Variants in TENM4 observed in about 807,000 individuals in gnomAD.
TENM4 encodes teneurin transmembrane protein 4.
In TENM4, 82 loss-of-function variants were observed where a neutral mutation model predicts 243.3. That is an observed-to-expected ratio of 0.34 (90% CI 0.28 to 0.40). TENM4 has a LOEUF of 0.40. Ranked by LOEUF, TENM4 falls within the 10% of genes least tolerant of loss-of-function variation. The pLI, the probability that TENM4 is intolerant of heterozygous loss-of-function variation, is 1.00. For missense variants in TENM4, 3,138 were observed against 3,673.3 expected, an observed-to-expected ratio of 0.85 and a Z score of 3.77; for synonymous variants, 1,412 against 1,456.3, an observed-to-expected ratio of 0.97 and a Z score of 0.69.
At chr11:79,040,525 G>A (rs1345471042) in intron 6 of TENM4, among the ~76,000 whole-genome samples, 2 of 152,148 alleles carry the variant, frequency 1.3e-5, no homozygotes, top group Non-Finnish European at 2.9e-5. Context: ...ACTATTCCAG[G>A]CACCCTGTGA....
chr11:79,339,529 C>T (rs1857207680), intron 1 of TENM4, among the ~76,000 whole-genome samples: 1 of 152,166 alleles, frequency 6.6e-6, no homozygotes, highest in African/African-American at 2.4e-5. Flanking sequence ...GTGCATATCC[C>T]TCTCTCCCTA....
At chr11:79,116,940 A>T (rs1453146300) in intron 4 of TENM4, among the ~76,000 whole-genome samples, 2 of 152,174 alleles carry the variant, frequency 1.3e-5, no homozygotes, top group Non-Finnish European at 2.9e-5. Flanking sequence ...CACAAGTTTT[A>T]CTTTTTATTT....
chr11:79,018,372 A>T (rs961861762), intron 6 of TENM4, among the ~76,000 whole-genome samples: 3 of 151,916 alleles, frequency 2.0e-5, no homozygotes, highest in Admixed American at 2.0e-4. Context: ...GGGTAATCTC[A>T]TTTCTCTGGG....
chr11:78,754,394 C>T (rs763876959), intron 19 of TENM4, among the ~76,000 whole-genome samples: 26 of 152,078 alleles, frequency 1.7e-4, no homozygotes, highest in Non-Finnish European at 3.1e-4. Context: ...TGGCTCATGG[C>T]GCTTAAGCAG....
chr11:79,207,848 A>G (rs1264645091), intron 3 of TENM4, among the ~76,000 whole-genome samples: 2 of 143,166 alleles, frequency 1.4e-5, no homozygotes, highest in African/African-American at 5.3e-5. Flanking sequence ...CCTGGATGAC[A>G]GAGCCAGACT....
intron 6 of TENM4, among the ~76,000 whole-genome samples, chr11:79,058,590 G>A (rs1442437104): frequency 6.6e-6 from 1 of 152,002 alleles, no homozygotes; most frequent in Non-Finnish European, 1.5e-5. Context: ...GTAGTAGGAT[G>A]GATCTGGATT....
chr11:79,098,797 C>G (rs1861150755), intron 4 of TENM4, among the ~76,000 whole-genome samples: 1 of 152,198 alleles, frequency 6.6e-6, no homozygotes, highest in Non-Finnish European at 1.5e-5. Context: ...GGAACATCAT[C>G]ATCATCATCC....
rs35346731 is a variant in TENM4 at position 79,041,069 on chromosome 11, C to CTTT, written c.493+23666_493+23668dup. 2.5e-3 allele frequency among the ~76,000 whole-genome samples: 366 copies of CTTT among 146,850 alleles called. 2 individuals are homozygous for CTTT. Among genetic ancestry groups the CTTT allele is most frequent in the African/African-American group, 8.7e-3 (348 of 39,908 alleles). On this transcript the variant is annotated intron_variant, in intron 6 of 33. Transcript: ENST00000278550. ...TGGACAAATCATTTGCCATTCTCCT[C>CTTT]TTTTTTTTTTTTGAGACAGAGTCTC...
intron 12 of TENM4, among the ~76,000 whole-genome samples, chr11:78,847,299 T>C (rs1399561900): frequency 6.6e-6 from 1 of 152,258 alleles, no homozygotes; most frequent in African/African-American, 2.4e-5. Flanking sequence ...CTACTTTTTC[T>C]TCTTTCCTGC....
At chr11:79,204,952 C>T (rs781174136) in intron 3 of TENM4, among the ~76,000 whole-genome samples, 22 of 152,194 alleles carry the variant, frequency 1.4e-4, no homozygotes, top group Admixed American at 4.6e-4. Flanking sequence ...ATATACCAAA[C>T]GATAGCATCT....
At chr11:78,862,167 C>T (rs1220682853) in intron 10 of TENM4, among the ~76,000 whole-genome samples, 4 of 152,116 alleles carry the variant, frequency 2.6e-5, no homozygotes, top group African/African-American at 7.2e-5. Context: ...GGCCTTGTAA[C>T]CTTGGGGTAA....
intron 3 of TENM4, among the ~76,000 whole-genome samples, chr11:79,166,042 C>A (rs1196962405): frequency 1.3e-5 from 2 of 152,104 alleles, no homozygotes; most frequent in Non-Finnish European, 2.9e-5. Flanking sequence ...TTATACTTAC[C>A]TTCATTCTGA....
intron 6 of TENM4, among the ~76,000 whole-genome samples, chr11:78,916,152 G>A (rs900768821): frequency 6.6e-6 from 1 of 152,226 alleles, no homozygotes; most frequent in Non-Finnish European, 1.5e-5. Context: ...TGAAACCAGG[G>A]TTTACCACTT....
intron 7 of TENM4, among the ~76,000 whole-genome samples, chr11:78,901,531 C>T (rs1207317438): frequency 6.6e-6 from 1 of 152,032 alleles, no homozygotes; most frequent in African/African-American, 2.4e-5. Context: ...TCTTCCTTTC[C>T]TTGAAAAACC....
At chr11:79,239,872 G>A (rs1000150219) in intron 2 of TENM4, among the ~76,000 whole-genome samples, 3 of 152,152 alleles carry the variant, frequency 2.0e-5, no homozygotes, top group South Asian at 2.1e-4. Context: ...AAGGGACCAC[G>A]TGACTTTGGG....
chr11:78,740,182 A>T (rs1855888469), intron 19 of TENM4, among the ~76,000 whole-genome samples: 1 of 152,174 alleles, frequency 6.6e-6, no homozygotes, highest in Non-Finnish European at 1.5e-5. Flanking sequence ...AAAGATCTCA[A>T]ATTCAGTAAC....
intron 28 of TENM4, among the ~76,000 whole-genome samples, chr11:78,691,241 C>A (rs942325769): frequency 6.6e-6 from 1 of 152,176 alleles, no homozygotes; most frequent in African/African-American, 2.4e-5. Context: ...GGATTGACAC[C>A]ACCTGGGTTC....
At chr11:79,100,872 T>C (rs1048981388) in intron 4 of TENM4, among the ~76,000 whole-genome samples, 1 of 151,990 alleles carries the variant, frequency 6.6e-6, no homozygotes, top group African/African-American at 2.4e-5. Context: ...TGGAAAGGAG[T>C]CTGCCTGTGT....
intron 1 of TENM4, among the ~76,000 whole-genome samples, chr11:79,353,911 G>A (rs189155765): frequency 6.6e-6 from 1 of 152,314 alleles, no homozygotes; most frequent in African/African-American, 2.4e-5. Context: ...TCCACTATAA[G>A]ACAGAGCTGA....
Sources: gnomAD v4.1 joint callset for allele counts (sites outside exome capture counted in the v4.1 genomes callset) on GRCh38, gnomAD v4.1.1 for gene constraint, MANE v1.5 for transcripts, NCBI Gene and HGNC (gene_info 2026-07-23, HGNC 2026-07-21) for gene names.